Variants in NEBL observed in about 807,000 individuals in gnomAD.
NEBL encodes LIM and SH3 protein 2.
NEBL carries 122 observed loss-of-function variants against 140.2 expected under a neutral mutation model. The ratio of observed to expected loss-of-function variants is 0.87; its 90% CI spans 0.75 to 1.01. The LOEUF (loss-of-function observed/expected upper bound fraction) is 1.01, where lower values mean the gene tolerates loss of function less well. NEBL is among the 50% of genes least tolerant of loss of function. The pLI, the probability that NEBL is intolerant of heterozygous loss-of-function variation, is 0.00. For missense variants in NEBL, 1,365 were observed against 1,231.3 expected (o/e 1.11, Z -1.62); for synonymous variants, 436 against 398.9 (o/e 1.09, Z -1.11).
At chr10:20,811,004 T>C (rs1454876651) in intron 24 of NEBL, among the ~76,000 whole-genome samples, 1 of 152,132 alleles carries the variant, frequency 6.6e-6, no homozygotes, top group East Asian at 1.9e-4. Context: ...CCAACAAAAA[T>C]AGAAGCAGCA....
At chr10:21,030,347 C>A in intron 2 of NEBL, 1 of 625,120 alleles carries the variant, frequency 1.6e-6, no homozygotes. Flanking sequence ...CTCCGCCACA[C>A]CCGGCAAAAG....
At chr10:21,196,804 G>C (rs1474372178) in intron 3 of NEBL, among the ~76,000 whole-genome samples, 1 of 152,120 alleles carries the variant, frequency 6.6e-6, no homozygotes, top group Non-Finnish European at 1.5e-5. Flanking sequence ...CCACTCATTG[G>C]TATCACTTTG....
chr10:20,910,737 A>G (rs1483497985), intron 4 of NEBL, among the ~76,000 whole-genome samples: 1 of 152,172 alleles, frequency 6.6e-6, no homozygotes, highest in East Asian at 1.9e-4. Flanking sequence ...TCTACTAATC[A>G]CCAGGGTACA....
chr10:20,884,337 A>G (rs1417722785), intron 4 of NEBL, among the ~76,000 whole-genome samples: 9 of 152,226 alleles, frequency 5.9e-5, no homozygotes, highest in East Asian at 5.8e-4. Flanking sequence ...TCGGCCTTCC[A>G]AAGTTCTGGG....
intron 5 of NEBL, among the ~76,000 whole-genome samples, chr10:20,876,933 G>A (rs1021589902): frequency 9.2e-5 from 14 of 152,110 alleles, no homozygotes; most frequent in Non-Finnish European, 1.6e-4. Context: ...AAAAGATTTC[G>A]ATTGGCTGTT....
At chr10:21,240,907 T>TACACAC (rs61704937) in intron 3 of NEBL, among the ~76,000 whole-genome samples, 6,185 of 137,290 alleles carry the variant, frequency 0.045, 182 homozygotes, top group African/African-American at 0.085. Context: ...CACGCACACA[T>TACACAC]ACACACACAC....
At chr10:21,016,315 A>C (rs753398383) in intron 3 of NEBL, among the ~76,000 whole-genome samples, 1 of 152,194 alleles carries the variant, frequency 6.6e-6, no homozygotes, top group African/African-American at 2.4e-5. Context: ...TTGTTTGTTT[A>C]TTCACAGTAT....
intron 2 of NEBL, among the ~76,000 whole-genome samples, chr10:21,165,093 T>A (rs181535059): frequency 5.9e-5 from 9 of 152,338 alleles, no homozygotes; most frequent in Admixed American, 3.9e-4. Context: ...AAGAGTGGAC[T>A]GACATTTGGG....
intron 4 of NEBL, among the ~76,000 whole-genome samples, chr10:20,935,025 A>T (rs1834403129): frequency 6.6e-6 from 1 of 152,230 alleles, no homozygotes; most frequent in South Asian, 2.1e-4. Flanking sequence ...TCGTTAAAAC[A>T]CTTACTGAAG....
intron 11 of NEBL, among the ~76,000 whole-genome samples, chr10:20,849,527 C>A (rs1353282465): frequency 6.6e-6 from 1 of 152,082 alleles, no homozygotes; most frequent in African/African-American, 2.4e-5. Context: ...GGTTTTGTTA[C>A]CATGGGGTTG....
intron 3 of NEBL, among the ~76,000 whole-genome samples, chr10:21,013,771 G>A (rs761197236): frequency 3.3e-5 from 5 of 152,202 alleles, no homozygotes; most frequent in East Asian, 1.9e-4. Context: ...CCATCTACTC[G>A]GGAGGCTGAG....
chr10:21,224,777 A>C (rs1307050599), intron 3 of NEBL, among the ~76,000 whole-genome samples: 3 of 152,020 alleles, frequency 2.0e-5, no homozygotes, highest in Non-Finnish European at 4.4e-5. Flanking sequence ...TATAAGTGGG[A>C]TTACTTTCTT....
intron 4 of NEBL, among the ~76,000 whole-genome samples, chr10:20,935,701 T>C (rs540058910): frequency 6.6e-6 from 1 of 152,244 alleles, no homozygotes; most frequent in African/African-American, 2.4e-5. Flanking sequence ...ATAATCTTGA[T>C]GCTTATCACA....
chr10:21,162,898 G>A (rs1330341592), intron 2 of NEBL, among the ~76,000 whole-genome samples: 1 of 152,218 alleles, frequency 6.6e-6, no homozygotes, highest in Non-Finnish European at 1.5e-5. Flanking sequence ...TGAGTAAAGG[G>A]TCAAATCACT....
At position 21,075,696 on chromosome 10, in the gene NEBL, C is replaced by T. The variant is rs573440350; in HGVS notation, c.165-55495G>A. ...ACAATTGCAGTCATATCACAGGATG[C>T]TTGATTTTCTCAAGCTAGGGCATCA... On this transcript the variant is annotated intron_variant, in intron 2 of 6. Transcript: ENST00000417816. Among the ~76,000 whole-genome samples the T allele has an allele frequency of 3.7e-4, 57 of 152,280 alleles. No individual in the cohort carries two copies. In the South Asian group the frequency reaches 0.011, roughly 29 times the overall value.
Position 20,938,514 on chromosome 10 carries a change from T to C in NEBL, c.357+23158A>G, listed in dbSNP as rs1190430198. Among the ~76,000 whole-genome samples the C allele has an allele frequency of 2.6e-5, 4 of 151,730 alleles. No individual in the cohort carries two copies. In the South Asian group the frequency reaches 6.3e-4, roughly 24 times the overall value. On this transcript the variant is annotated intron_variant, in intron 4 of 6. Coordinates refer to the NEBL transcript ENST00000417816. ...GACACCAGAGCAGAAAAGCTGAAAA[T>C]TCTAAAAATCAGAGCGCCTCTTCTC...
At chr10:20,854,280 G>A (rs1842828186) in intron 9 of NEBL, among the ~76,000 whole-genome samples, 1 of 152,090 alleles carries the variant, frequency 6.6e-6, no homozygotes, top group Admixed American at 6.5e-5. Context: ...GAAAGAGCTG[G>A]CCATAAGGAA....
chr10:21,177,410 G>A (rs1589316721), upstream of NEBL, among the ~76,000 whole-genome samples: 2 of 152,278 alleles, frequency 1.3e-5, no homozygotes, highest in East Asian at 1.9e-4. Context: ...GGATTGTTTT[G>A]TTACTGCAGC....
chr10:20,861,748 C>T (rs1843718742), intron 7 of NEBL, among the ~76,000 whole-genome samples: 1 of 152,184 alleles, frequency 6.6e-6, no homozygotes, highest in Non-Finnish European at 1.5e-5. Context: ...AGCATAATTA[C>T]ACTAGAGTAT....
Sources: gnomAD v4.1 joint callset for allele counts (sites outside exome capture counted in the v4.1 genomes callset) on GRCh38, gnomAD v4.1.1 for gene constraint, MANE v1.5 for transcripts, NCBI Gene and HGNC (gene_info 2026-07-23, HGNC 2026-07-21) for gene names.